Variants in SLC8A1 observed in about 807,000 individuals in gnomAD.
SLC8A1 encodes the protein solute carrier family 8 member A1.
SLC8A1 carries 18 observed loss-of-function variants against 68.3 expected under a neutral mutation model. The observed-to-expected ratio is 0.26, with a 90% CI of 0.18 to 0.39. The LOEUF (loss-of-function observed/expected upper bound fraction) is 0.39, where lower values mean the gene tolerates loss of function less well. Ranked by LOEUF, SLC8A1 falls within the 10% of genes least tolerant of loss-of-function variation. SLC8A1 has a pLI of 1.00. For missense variants in SLC8A1, 985 were observed against 1,156.7 expected (o/e 0.85, Z 2.15); for synonymous variants, 475 against 415.5 (o/e 1.14, Z -1.74).
chr2:40,224,981 T>C (rs1222484232), intron 2 of SLC8A1, among the ~76,000 whole-genome samples: 1 of 152,192 alleles, frequency 6.6e-6, no homozygotes, highest in Admixed American at 6.5e-5. Context: ...GTAAAGTTCA[T>C]GTTTGACTGA....
chr2:40,300,673 G>A (rs2071287063), intron 2 of SLC8A1, among the ~76,000 whole-genome samples: 7 of 152,054 alleles, frequency 4.6e-5, no homozygotes, highest in Admixed American at 4.6e-4. Context: ...CTCAGATTTT[G>A]GAGACCAGAA....
At chr2:40,264,471 C>A (rs1293054273) in intron 2 of SLC8A1, among the ~76,000 whole-genome samples, 1 of 152,004 alleles carries the variant, frequency 6.6e-6, no homozygotes, top group Admixed American at 6.6e-5. Flanking sequence ...CAATGATAGA[C>A]TGGATTAAGA....
At chr2:40,263,738 T>C (rs2065004715) in intron 2 of SLC8A1, among the ~76,000 whole-genome samples, 1 of 151,896 alleles carries the variant, frequency 6.6e-6, no homozygotes. Context: ...CCTAAAACCA[T>C]AAAAACCCTA....
intron 1 of SLC8A1, among the ~76,000 whole-genome samples, chr2:40,451,116 T>C (rs1702395334): frequency 6.6e-6 from 1 of 152,192 alleles, no homozygotes; most frequent in Admixed American, 6.5e-5. Flanking sequence ...CTCTTCTTCA[T>C]TAAGGAGGAG....
At chr2:40,297,948 C>G (rs756156056) in intron 2 of SLC8A1, among the ~76,000 whole-genome samples, 5 of 152,040 alleles carry the variant, frequency 3.3e-5, no homozygotes, top group Non-Finnish European at 5.9e-5. Context: ...GGTGCGATCT[C>G]GGCTCACTGC....
exon 2 of SLC8A1, chr2:40,428,603 C>A: frequency 6.2e-7 from 1 of 1,613,864 alleles, no homozygotes; most frequent in Non-Finnish European, 8.5e-7. Flanking sequence ...GTTCTCAATA[C>A]TTTCACCTCC....
chr2:40,395,786 C>G (rs1472996153), intron 2 of SLC8A1, among the ~76,000 whole-genome samples: 1 of 152,072 alleles, frequency 6.6e-6, no homozygotes, highest in Non-Finnish European at 1.5e-5. Context: ...TGTTCCTTAA[C>G]CAAAGGCTTT....
At chr2:40,326,166 C>T (rs2075804831) in intron 2 of SLC8A1, among the ~76,000 whole-genome samples, 3 of 152,108 alleles carry the variant, frequency 2.0e-5, no homozygotes, top group African/African-American at 7.2e-5. Context: ...TCATTTGCAC[C>T]AGCCTCTTCG....
intron 2 of SLC8A1, among the ~76,000 whole-genome samples, chr2:40,204,536 C>T (rs947771620): frequency 2.0e-5 from 3 of 151,964 alleles, no homozygotes; most frequent in Non-Finnish European, 1.5e-5. Flanking sequence ...ATTAAATTTA[C>T]AAAGCCCAAC....
intron 6 of SLC8A1, among the ~76,000 whole-genome samples, chr2:40,150,752 C>T (rs1408437493): frequency 6.6e-6 from 1 of 152,196 alleles, no homozygotes; most frequent in African/African-American, 2.4e-5. Context: ...ATATTCTTTT[C>T]AGAAACATCA....
At chr2:40,428,713 G>C in exon 2 of SLC8A1, 1 of 1,613,818 alleles carries the variant, frequency 6.2e-7, no homozygotes, top group East Asian at 2.2e-5. Context: ...AGTGGAGGGA[G>C]ATCCGAGGCA....
chr2:40,487,138 A>G (rs1705021724), intron 1 of SLC8A1, among the ~76,000 whole-genome samples: 1 of 152,112 alleles, frequency 6.6e-6, no homozygotes. Flanking sequence ...TCAATTATTC[A>G]GTCTATAATA....
intron 2 of SLC8A1, among the ~76,000 whole-genome samples, chr2:40,228,014 G>A (rs1368935489): frequency 1.3e-5 from 2 of 152,154 alleles, no homozygotes; most frequent in Non-Finnish European, 2.9e-5. Context: ...GAAATGTAAT[G>A]AGAATATTCA....
intron 2 of SLC8A1, among the ~76,000 whole-genome samples, chr2:40,355,093 G>A (rs1047630280): frequency 1.8e-4 from 27 of 152,246 alleles, no homozygotes; most frequent in Admixed American, 5.9e-4. Flanking sequence ...TGTATTGCAA[G>A]AACTGAAAAA....
intron 2 of SLC8A1, among the ~76,000 whole-genome samples, chr2:40,386,725 C>T (rs1302857470): frequency 2.0e-5 from 3 of 150,344 alleles, no homozygotes; most frequent in Non-Finnish European, 4.4e-5. Context: ...TGTACGGAAA[C>T]AGAACCCATG....
At chr2:40,131,215 G>A (rs1366351265) in intron 7 of SLC8A1, among the ~76,000 whole-genome samples, 1 of 152,172 alleles carries the variant, frequency 6.6e-6, no homozygotes, top group Non-Finnish European at 1.5e-5. Context: ...AGTAAGTAGC[G>A]GAGGGAGGGT....
chr2:40,484,996 T>C (rs556056092), intron 1 of SLC8A1, among the ~76,000 whole-genome samples: 1 of 152,192 alleles, frequency 6.6e-6, no homozygotes, highest in Non-Finnish European at 1.5e-5. Context: ...AGAAAGTGTT[T>C]GACATCTGCT....
At chr2:40,473,761 G>T (rs963297640) in intron 1 of SLC8A1, among the ~76,000 whole-genome samples, 2 of 152,148 alleles carry the variant, frequency 1.3e-5, no homozygotes, top group African/African-American at 2.4e-5. Context: ...TTTTCTGATA[G>T]AAATATATAG....
At chr2:40,455,143 A>C (rs1028395504), upstream of SLC8A1, among the ~76,000 whole-genome samples, 4 of 152,190 alleles carry the variant, frequency 2.6e-5, no homozygotes, top group African/African-American at 9.7e-5. Context: ...GATGTTCACA[A>C]ACTATTTCCT....
Sources: allele counts gnomAD v4.1 joint callset (sites outside exome capture counted in the v4.1 genomes callset), GRCh38; gene constraint gnomAD v4.1.1; transcripts MANE v1.5; gene names NCBI Gene and HGNC (gene_info 2026-07-23, HGNC 2026-07-21).